NAAA: variants seen among roughly 807,000 people sequenced by gnomAD.
NAAA encodes the protein N-acylethanolamine acid amidase.
A neutral mutation model predicts 44.8 loss-of-function variants in NAAA; 39 were observed. The ratio of observed to expected loss-of-function variants is 0.87; its 90% CI spans 0.67 to 1.14. The LOEUF (loss-of-function observed/expected upper bound fraction) is 1.14. NAAA is among the 50% of genes most tolerant of loss of function. The probability of loss-of-function intolerance (pLI) is 0.00; values close to 1 mark genes in which losing one functional copy is unlikely to be tolerated. For missense variants in NAAA, 460 were observed against 467.8 expected (o/e 0.98, Z 0.15); for synonymous variants, 178 against 191.3 (o/e 0.93, Z 0.58).
intron 9 of NAAA, among the ~76,000 whole-genome samples, chr4:75,918,114 T>A (rs973251396): frequency 1.3e-5 from 2 of 152,212 alleles, no homozygotes; most frequent in Non-Finnish European, 2.9e-5. Flanking sequence ...AAAGTGTTTT[T>A]CCTTCTAGTT....
At chr4:75,940,311 T>G in intron 1 of NAAA, 146 bp from the exon 2 acceptor site, 1 of 583,528 alleles carries the variant, frequency 1.7e-6, no homozygotes, top group African/African-American at 2.0e-5. Flanking sequence ...AGGCGCGGCG[T>G]CACTCAATCT....
In NAAA at chr4:75,939,988, T is replaced by C. The variant is rs761124224; in HGVS notation, c.371+13A>G. Reference sequence around the variant, plus strand: ...AAGCCCCGCGTTACTCCGCGCGGGCTTGGGGCACTCACACGGAGGACTCGT... The same window carrying C: ...AAGCCCCGCGTTACTCCGCGCGGGCCTGGGGCACTCACACGGAGGACTCGT... On this transcript the variant is annotated intron_variant, in intron 2 of 10. Transcript: ENST00000286733. 4.7e-5 allele frequency: 76 copies of C among 1,612,928 alleles called. No individual in the cohort carries two copies. Among genetic ancestry groups the C allele is most frequent in the Admixed American group, 4.0e-4 (24 of 59,996 alleles).
At chr4:75,916,450 A>T in intron 9 of NAAA, 1 of 152,226 alleles carries the variant, frequency 6.6e-6, no homozygotes, top group East Asian at 1.9e-4. Context: ...TATAATTTCT[A>T]ACAATTTTAT....
chr4:75,914,493 G>T (rs1725477723), intron 10 of NAAA, among the ~76,000 whole-genome samples, 155 bp from the exon 11 acceptor site: 1 of 151,268 alleles, frequency 6.6e-6, no homozygotes, highest in African/African-American at 2.4e-5. Flanking sequence ...TCCTACCTCA[G>T]CTCCTGAGTA....
At chr4:75,927,922 T>G (rs1437108019) in intron 4 of NAAA, among the ~76,000 whole-genome samples, 1 of 152,234 alleles carries the variant, frequency 6.6e-6, no homozygotes, top group Non-Finnish European at 1.5e-5. Flanking sequence ...GATTTGCATT[T>G]CTCTGATGTG....
chr4:75,919,231 G>A (rs575574769), intron 8 of NAAA: 35 of 168,398 alleles, frequency 2.1e-4, no homozygotes, highest in Non-Finnish European at 4.1e-4. Context: ...TAGTAGAGAC[G>A]GGGTTTCACC....
In NAAA at chr4:75,918,752, GC is replaced by G. The variant is rs776866559; in HGVS notation, c.998+8del. 2.5e-6 allele frequency: 4 copies of G among 1,612,926 alleles called. No homozygotes were observed. In the South Asian group the frequency reaches 4.4e-5, roughly 18 times the overall value. On this transcript the variant is annotated splice_region_variant and intron_variant, in intron 9 of 10. Transcript: ENST00000286733. Reference sequence around the variant, plus strand: ...ATGTGTGAACAGACATGTTTAACAAGCCACTTACTTGTTATAAACTGGAACC... The same window carrying G: ...ATGTGTGAACAGACATGTTTAACAAGCACTTACTTGTTATAAACTGGAACC...
chr4:75,932,308 G>A (rs1308046759), intron 3 of NAAA, among the ~76,000 whole-genome samples: 1 of 152,196 alleles, frequency 6.6e-6, no homozygotes, highest in Non-Finnish European at 1.5e-5. Context: ...TAAGCTCTGT[G>A]AAGTTAGAAT....
intron 2 of NAAA, 36 bp from the exon 3 acceptor site, chr4:75,936,271 G>C: frequency 6.4e-7 from 1 of 1,570,452 alleles, no homozygotes; most frequent in Non-Finnish European, 8.6e-7. Context: ...GAATGAATAA[G>C]ACAAATAAGA....
chr4:75,940,749 G>A lies in NAAA; in HGVS notation c.201C>T (p.Val67=), dbSNP rs751752521. 3.1e-6 allele frequency: 5 copies of A among 1,596,276 alleles called. No individual in the cohort carries two copies. The South Asian group carries it at 4.4e-5, about 14-fold the overall frequency. The change falls in exon 1 of 11, where the codon GTC becomes GTT. Residue 67 remains valine, a synonymous_variant. Coordinates refer to ENST00000286733, the MANE Select transcript of NAAA (RefSeq NM_014435.4). ...LDLVRAAMAQ[V]IGDRVPKWVH... is the part of the protein sequence containing the mutation. ...CGTCCAGGGCCCCAGCTCACCCGAT[G>A]ACTTGCGCCATCGCGGCGCGCACCA...
At chr4:75,910,783 T>G (rs554465079), downstream of NAAA, among the ~76,000 whole-genome samples, 8 of 152,324 alleles carry the variant, frequency 5.3e-5, no homozygotes, top group Non-Finnish European at 1.0e-4. Context: ...ACATTGTAGT[T>G]AAACCACGTG....
downstream of NAAA, chr4:75,911,309 TG>T: frequency 3.9e-6 from 2 of 518,332 alleles, no homozygotes. Flanking sequence ...TGGCTTAGCT[TG>T]GGCTCAGAGG....
chr4:75,933,497 C>T (rs1247093992), intron 3 of NAAA, among the ~76,000 whole-genome samples: 1 of 152,090 alleles, frequency 6.6e-6, no homozygotes, highest in Non-Finnish European at 1.5e-5. Flanking sequence ...TATATGGCCA[C>T]CTCATTTGCG....
At chr4:75,939,861 CAA>C in intron 2 of NAAA, 138 bp downstream of exon 2, 1 of 918,654 alleles carries the variant, frequency 1.1e-6, no homozygotes, top group African/African-American at 1.7e-5. Context: ...CCCAGAGAGG[CAA>C]AGAGGAAGCG....
intron 5 of NAAA, among the ~76,000 whole-genome samples, chr4:75,922,464 T>G (rs1300195428): frequency 7.2e-5 from 11 of 152,210 alleles, no homozygotes; most frequent in Admixed American, 5.9e-4. Flanking sequence ...TCCTGCCCTG[T>G]ACCTGGAAGA....
At position 75,926,249 on chromosome 4, in the gene NAAA, T is replaced by A. The variant is rs554935093; in HGVS notation, c.590-438A>T. ...GACAAATTGAATTTCACAAAAATTT[T>A]TAAAATTCTGCGCATTAAAAGACAG... On this transcript the variant is annotated intron_variant, in intron 4 of 10. Coordinates refer to ENST00000286733, the MANE Select transcript of NAAA (RefSeq NM_014435.4). Among the ~76,000 whole-genome samples, 6 of 152,248 alleles carry A rather than the reference T, an allele frequency of 3.9e-5. 1 individual carries two copies. The South Asian group carries it at 1.2e-3, about 32-fold the overall frequency.
intron 4 of NAAA, chr4:75,930,343 G>T: frequency 2.5e-6 from 1 of 392,638 alleles, no homozygotes; most frequent in Non-Finnish European, 5.0e-6. Flanking sequence ...CAGAGCAATT[G>T]GGTCAGGACC....
intron 4 of NAAA, among the ~76,000 whole-genome samples, chr4:75,930,786 T>C (rs541317263): frequency 6.6e-6 from 1 of 152,288 alleles, no homozygotes; most frequent in African/African-American, 2.4e-5. Context: ...CTAATGTCAC[T>C]ACCCACTTAC....
rs1006902201 is a variant in NAAA at position 75,914,169 on chromosome 4, T to A, written c.*206A>T. On this transcript the variant is annotated 3_prime_UTR_variant, in exon 11 of 11. Transcript: ENST00000286733. ...ATGAAGGGAAGGGAATGCAGGACAATGCCCATTACTGGCTTTACCACAAAC... is the reference window on the plus strand; with the variant it reads ...ATGAAGGGAAGGGAATGCAGGACAAAGCCCATTACTGGCTTTACCACAAAC... 1.0e-6 allele frequency: 1 copy of A among 985,764 alleles called. No individual in the cohort carries two copies. The highest frequency in any genetic ancestry group is 6.1e-5 in the Admixed American group (1 of 16,274). The allele number at this position is 985,764 out of a possible 1,614,324, so 61.1% of individuals were successfully genotyped here. A position where few individuals can be genotyped will look rare whatever the true frequency, so the allele number is the denominator to read the frequency against.
Sources: gnomAD v4.1 joint callset for allele counts (sites outside exome capture counted in the v4.1 genomes callset) on GRCh38, gnomAD v4.1.1 for gene constraint, MANE v1.5 for transcripts, NCBI Gene and HGNC (gene_info 2026-07-23, HGNC 2026-07-21) for gene names.